The following TPST1 variants were observed in gnomAD, a reference collection of about 807,000 sequenced individuals.
The protein encoded by TPST1 is protein-tyrosine sulfotransferase 1.
In TPST1, 20 loss-of-function variants were observed where a neutral mutation model predicts 34.8. The ratio of observed to expected loss-of-function variants is 0.57; its 90% CI spans 0.40 to 0.84. The LOEUF is 0.84. TPST1 is among the 40% of genes least tolerant of loss of function. The probability of loss-of-function intolerance (pLI) is 0.00; values close to 1 mark genes in which losing one functional copy is unlikely to be tolerated. For missense variants in TPST1, 353 were observed against 455.5 expected (o/e 0.78, Z 2.05); for synonymous variants, 152 against 159.4 (o/e 0.95, Z 0.35).
intron 1 of TPST1, among the ~76,000 whole-genome samples, chr7:66,216,474 TC>T (rs1263152741): frequency 2.1e-5 from 3 of 140,292 alleles, no homozygotes; most frequent in Non-Finnish European, 4.8e-5. Context: ...TTGCTCTTTT[TC>T]TTTTTTTTTT....
At chr7:66,333,143 A>G (rs1270016749) in intron 3 of TPST1, among the ~76,000 whole-genome samples, 3 of 152,192 alleles carry the variant, frequency 2.0e-5, no homozygotes, top group Non-Finnish European at 2.9e-5. Context: ...CCCACAGTTG[A>G]AGGCTGTTCT....
At chr7:66,243,898 CCTGTGTG>C (rs1790091012) in intron 2 of TPST1, among the ~76,000 whole-genome samples, 1 of 151,350 alleles carries the variant, frequency 6.6e-6, no homozygotes, top group Non-Finnish European at 1.5e-5. Context: ...AGTCAGTCAT[CCTGTGTG>C]CTTTTCGTTT....
At chr7:66,358,008 C>T (rs558387533) in intron 5 of TPST1, among the ~76,000 whole-genome samples, 1 of 152,144 alleles carries the variant, frequency 6.6e-6, no homozygotes, top group East Asian at 1.9e-4. Context: ...CACTTGAACC[C>T]AAGAGGTGGA....
chr7:66,248,262 CT>C (rs1419237516), intron 2 of TPST1, among the ~76,000 whole-genome samples: 4 of 151,922 alleles, frequency 2.6e-5, no homozygotes, highest in African/African-American at 9.7e-5. Flanking sequence ...GTGGAGCACC[CT>C]TTTTTTCAAG....
At chr7:66,248,766 G>T (rs1790204676) in intron 2 of TPST1, among the ~76,000 whole-genome samples, 1 of 152,102 alleles carries the variant, frequency 6.6e-6, no homozygotes, top group African/African-American at 2.4e-5. Context: ...GCCTGCCTCG[G>T]CCTCCCAAAG....
chr7:66,238,832 C>T (rs1002993326), intron 1 of TPST1, among the ~76,000 whole-genome samples: 1 of 152,194 alleles, frequency 6.6e-6, no homozygotes, highest in Non-Finnish European at 1.5e-5. Context: ...TTTTGGTGTA[C>T]ATGTAGTCTG....
chr7:66,273,170 A>G (rs1318929432), intron 2 of TPST1, among the ~76,000 whole-genome samples: 5 of 152,216 alleles, frequency 3.3e-5, no homozygotes, highest in East Asian at 1.9e-4. Context: ...GATGAAAACA[A>G]TCTCATTCAC....
chr7:66,256,514 T>TCTTAGGTGGAGGGCCTCTCTC (rs903469133), intron 2 of TPST1, among the ~76,000 whole-genome samples: 2 of 152,186 alleles, frequency 1.3e-5, no homozygotes, highest in African/African-American at 4.8e-5. Flanking sequence ...TCCTTCTCTG[T>TCTTAGGTGGAGGGCCTCTCTC]CTTAGGTGGA....
At chr7:66,328,438 A>G (rs1280932425) in intron 3 of TPST1, among the ~76,000 whole-genome samples, 1 of 152,202 alleles carries the variant, frequency 6.6e-6, no homozygotes, top group East Asian at 1.9e-4. Flanking sequence ...TAGTTGGAAC[A>G]GAGACTGTGG....
chr7:66,263,722 G>A (rs1790532987), intron 2 of TPST1, among the ~76,000 whole-genome samples: 1 of 152,162 alleles, frequency 6.6e-6, no homozygotes, highest in Non-Finnish European at 1.5e-5. Flanking sequence ...TGATTTATTA[G>A]GAAGCTAGGA....
intron 3 of TPST1, among the ~76,000 whole-genome samples, chr7:66,301,460 T>C (rs1360321096): frequency 6.6e-6 from 1 of 152,236 alleles, no homozygotes; most frequent in Non-Finnish European, 1.5e-5. Context: ...ACTTGACTAT[T>C]TGATGGAAGA....
At chr7:66,254,682 G>A (rs1224163946) in intron 2 of TPST1, among the ~76,000 whole-genome samples, 1 of 152,160 alleles carries the variant, frequency 6.6e-6, no homozygotes, top group East Asian at 1.9e-4. Flanking sequence ...GGGATTATAG[G>A]CACAAGCCAC....
intron 3 of TPST1, among the ~76,000 whole-genome samples, chr7:66,299,299 G>GTT (rs35066356): frequency 0.039 from 4,876 of 124,234 alleles, 343 homozygotes; most frequent in African/African-American, 0.14. Flanking sequence ...ATGCTCTTAG[G>GTT]TTTTTTTTTT....
At chr7:66,315,454 C>CA (rs1791614173) in intron 3 of TPST1, among the ~76,000 whole-genome samples, 1 of 152,216 alleles carries the variant, frequency 6.6e-6, no homozygotes, top group Non-Finnish European at 1.5e-5. Context: ...TAGTAGTGCT[C>CA]ACGGTTGCCC....
intron 2 of TPST1, among the ~76,000 whole-genome samples, chr7:66,242,386 C>G (rs904007129): frequency 6.6e-6 from 1 of 151,900 alleles, no homozygotes; most frequent in African/African-American, 2.4e-5. Context: ...TTACTTTCAC[C>G]AAGGAATATC....
chr7:66,261,908 T>A (rs969837868), intron 2 of TPST1, among the ~76,000 whole-genome samples: 2 of 152,214 alleles, frequency 1.3e-5, no homozygotes, highest in African/African-American at 4.8e-5. Flanking sequence ...TTAGCTCTTA[T>A]TATTTTTACC....
chr7:66,330,304 T>C (rs2116267417), intron 3 of TPST1, among the ~76,000 whole-genome samples: 1 of 152,266 alleles, frequency 6.6e-6, no homozygotes, highest in South Asian at 2.1e-4. Flanking sequence ...GAGAAGGGGC[T>C]CTGAAGATGG....
At chr7:66,247,899 C>T (rs960155374) in intron 2 of TPST1, among the ~76,000 whole-genome samples, 2 of 152,214 alleles carry the variant, frequency 1.3e-5, no homozygotes, top group Non-Finnish European at 2.9e-5. Context: ...TATGCCTGAC[C>T]TATGGACCCT....
In TPST1 at chr7:66,240,582, A is replaced by G. The variant is rs1465935417; in HGVS notation, c.157A>G (p.Thr53Ala). The change falls in exon 2 of 6, where the codon ACT becomes GCT. Residue 53 changes from threonine to alanine, a missense_variant. By Grantham distance (58) the Thr-to-Ala change is moderately conservative. Coordinates refer to ENST00000304842, the MANE Select transcript of TPST1 (RefSeq NM_003596.4). Reference protein sequence around the residue: ...KLESTRTTVRTGLDLKANKTF... With the variant: ...KLESTRTTVRAGLDLKANKTF... ...GGAGAGCACAAGGACCACTGTGAGAACTGGCCTGGACCTCAAAGCCAACAA... is the reference window on the plus strand; with the variant it reads ...GGAGAGCACAAGGACCACTGTGAGAGCTGGCCTGGACCTCAAAGCCAACAA... 1 of 1,614,184 alleles carries G rather than the reference A, an allele frequency of 6.2e-7. No homozygotes were observed. The highest frequency in any genetic ancestry group is 1.7e-5 in the Admixed American group (1 of 60,022).
Sources: allele counts gnomAD v4.1 joint callset (sites outside exome capture counted in the v4.1 genomes callset), GRCh38; gene constraint gnomAD v4.1.1; transcripts MANE v1.5; gene names NCBI Gene and HGNC (gene_info 2026-07-23, HGNC 2026-07-21).